NXPE2: variants seen among roughly 807,000 people sequenced by gnomAD.
NXPE2 encodes the protein NXPE family member 2.
In NXPE2, 34 loss-of-function variants were observed where a neutral mutation model predicts 34.4. The observed-to-expected ratio is 0.99, with a 90% CI of 0.75 to 1.31. The LOEUF is 1.31. NXPE2 is among the 40% of genes most tolerant of loss of function. NXPE2 has a pLI of 0.00. For synonymous variants in NXPE2, 235 were observed against 231.3 expected (o/e 1.02, Z -0.15); for missense variants, 649 against 672.5 (o/e 0.97, Z 0.39).
chr11:114,720,569 G>A, the NXPE2 span, among the ~76,000 whole-genome samples: 1 of 152,200 alleles, frequency 6.6e-6, no homozygotes, highest in Non-Finnish European at 1.5e-5. Context: ...CACTTGAAAT[G>A]TAGCTGGTGC....
At chr11:114,503,978 C>T in the NXPE2 span, among the ~76,000 whole-genome samples, 1 of 152,198 alleles carries the variant, frequency 6.6e-6, no homozygotes, top group Admixed American at 6.5e-5. Context: ...TGGAGGCCCA[C>T]ACCATAGCTT....
chr11:114,594,727 T>C, the NXPE2 span: 3 of 1,591,898 alleles, frequency 1.9e-6, no homozygotes, highest in Non-Finnish European at 2.6e-6. Context: ...ACAGTGCCAA[T>C]AGTGACTTAT....
chr11:114,692,553 G>A (rs954772748), intron 2 of NXPE2, among the ~76,000 whole-genome samples: 1 of 152,172 alleles, frequency 6.6e-6, no homozygotes, highest in African/African-American at 2.4e-5. Flanking sequence ...CAGACATGAG[G>A]CCCAAATGGG....
chr11:114,516,696 A>G, the NXPE2 span, among the ~76,000 whole-genome samples: 1 of 152,284 alleles, frequency 6.6e-6, no homozygotes, highest in East Asian at 1.9e-4. Flanking sequence ...AAATAAGAGC[A>G]CACGCAAGGA....
chr11:114,623,501 G>A, the NXPE2 span, among the ~76,000 whole-genome samples: 1 of 152,054 alleles, frequency 6.6e-6, no homozygotes, highest in Admixed American at 6.6e-5. Context: ...CTGTTACCCA[G>A]TGGATAATAA....
At chr11:114,521,466 A>C in the NXPE2 span, among the ~76,000 whole-genome samples, 1 of 152,222 alleles carries the variant, frequency 6.6e-6, no homozygotes, top group Non-Finnish European at 1.5e-5. Context: ...TGGCATAACA[A>C]GATGTCCAGG....
chr11:114,548,867 A>T, the NXPE2 span, among the ~76,000 whole-genome samples: 1 of 152,034 alleles, frequency 6.6e-6, no homozygotes, highest in African/African-American at 2.4e-5. Flanking sequence ...CCTGGGTTTT[A>T]TTTTGAAAGA....
the NXPE2 span, among the ~76,000 whole-genome samples, chr11:114,737,853 C>A: frequency 2.6e-5 from 4 of 152,072 alleles, no homozygotes; most frequent in Non-Finnish European, 5.9e-5. Context: ...GAGGCCAAGG[C>A]GGGCAGATCA....
chr11:114,780,137 G>C, the NXPE2 span, among the ~76,000 whole-genome samples: 2 of 152,166 alleles, frequency 1.3e-5, no homozygotes, highest in South Asian at 4.1e-4. Context: ...TGTTTCCCAG[G>C]CTATCTCAAA....
the NXPE2 span, among the ~76,000 whole-genome samples, chr11:114,791,950 C>T: frequency 1.4e-4 from 22 of 152,120 alleles, no homozygotes; most frequent in Admixed American, 1.3e-3. Context: ...CACAGCTACT[C>T]GGGAGGCTGA....
the NXPE2 span, among the ~76,000 whole-genome samples, chr11:114,534,896 G>A: frequency 2.0e-5 from 3 of 152,144 alleles, no homozygotes; most frequent in Admixed American, 2.0e-4. Flanking sequence ...ATCTAGCAAG[G>A]CAGGCCAACA....
chr11:114,496,238 T>C, the NXPE2 span, among the ~76,000 whole-genome samples: 2 of 152,176 alleles, frequency 1.3e-5, no homozygotes, highest in African/African-American at 2.4e-5. Context: ...CTGGTCTAAA[T>C]GCTCCCTCTG....
At chr11:114,708,756 A>G (rs770280332), downstream of NXPE2, among the ~76,000 whole-genome samples, 1 of 152,192 alleles carries the variant, frequency 6.6e-6, no homozygotes, top group Non-Finnish European at 1.5e-5. Context: ...GTATCAAGCT[A>G]CTTATTGGTT....
chr11:114,638,997 C>T, the NXPE2 span, among the ~76,000 whole-genome samples: 2 of 152,046 alleles, frequency 1.3e-5, no homozygotes. Context: ...CTCTTCAAAG[C>T]TGTCAGACTG....
At chr11:114,613,626 A>C in the NXPE2 span, among the ~76,000 whole-genome samples, 4 of 150,616 alleles carry the variant, frequency 2.7e-5, no homozygotes, top group African/African-American at 9.8e-5. Flanking sequence ...CCACTGTTAC[A>C]CACTGGATAA....
chr11:114,803,061 C>A, the NXPE2 span, among the ~76,000 whole-genome samples: 1 of 152,100 alleles, frequency 6.6e-6, no homozygotes, highest in East Asian at 1.9e-4. Context: ...GCTTCTCCAC[C>A]AACCTGTCTA....
the NXPE2 span, among the ~76,000 whole-genome samples, chr11:114,665,435 T>C: frequency 6.6e-6 from 1 of 152,196 alleles, no homozygotes; most frequent in African/African-American, 2.4e-5. Flanking sequence ...TTTTCAGTCA[T>C]ACTTTGTGAA....
chr11:114,504,033 G>T, the NXPE2 span, among the ~76,000 whole-genome samples: 1 of 152,214 alleles, frequency 6.6e-6, no homozygotes, highest in South Asian at 2.1e-4. Flanking sequence ...CTCCAGAGAG[G>T]TGGCCTCTAT....
the NXPE2 span, among the ~76,000 whole-genome samples, chr11:114,593,839 G>C: frequency 6.6e-6 from 1 of 152,112 alleles, no homozygotes; most frequent in South Asian, 2.1e-4. Context: ...GTAGTATTCA[G>C]TTATAAAAAG....
Sources: gnomAD v4.1 joint callset for allele counts (sites outside exome capture counted in the v4.1 genomes callset) on GRCh38, gnomAD v4.1.1 for gene constraint, MANE v1.5 for transcripts, NCBI Gene and HGNC (gene_info 2026-07-23, HGNC 2026-07-21) for gene names.